Variants in RBM26 observed in about 807,000 individuals in gnomAD.
RBM26 encodes RNA binding motif protein 26.
Under a neutral mutation model 123.6 loss-of-function variants are expected in RBM26, and 30 were observed. The ratio of observed to expected loss-of-function variants is 0.24; its 90% CI spans 0.18 to 0.33. The LOEUF (loss-of-function observed/expected upper bound fraction) is 0.33, where lower values mean the gene tolerates loss of function less well. Among genes scored for constraint, RBM26 ranks in the 10% least tolerant of loss-of-function variants. The probability of loss-of-function intolerance (pLI) is 1.00; values close to 1 mark genes in which losing one functional copy is unlikely to be tolerated. For synonymous variants in RBM26, 400 were observed against 404.4 expected (o/e 0.99, Z 0.13); for missense variants, 947 against 1,203.6 (o/e 0.79, Z 3.15).
rs754873719 is a variant in RBM26 at position 79,353,649 on chromosome 13, A to T, written c.1987-425T>A. Among the ~76,000 whole-genome samples the T allele has an allele frequency of 1.1e-4, 17 of 152,318 alleles. No individual in the cohort carries two copies. In the South Asian group the frequency reaches 1.2e-3, roughly 11 times the overall value. ...GGGATGATAGGACTGGGAATTTTTT[A>T]AATTAACTAATAATTTACCAATAGA... On this transcript the variant is annotated intron_variant, in intron 13 of 21. Transcript: ENST00000438737.
chr13:79,323,181 G>C (rs555171465), intron 20 of RBM26, among the ~76,000 whole-genome samples: 1 of 151,416 alleles, frequency 6.6e-6, no homozygotes, highest in Non-Finnish European at 1.5e-5. Context: ...GGCTGGTTTG[G>C]AAACTGCATT....
intron 5 of RBM26, among the ~76,000 whole-genome samples, chr13:79,369,698 C>T (rs1295092893): frequency 3.3e-5 from 5 of 152,146 alleles, no homozygotes; most frequent in Admixed American, 3.3e-4. Flanking sequence ...CTTTCAATAA[C>T]ATGTACTAGA....
chr13:79,405,688 T>A lies in RBM26; in HGVS notation c.71+16A>T. On this transcript the variant is annotated intron_variant, in intron 1 of 21. Coordinates refer to ENST00000438737, the MANE Select transcript of RBM26 (RefSeq NM_001366735.2). ...CCACTGCCATCCCTGCAAAGAGATA[T>A]CCCCCGGATACTCACATGGGCTCGA... 2 of 1,564,392 alleles carry A rather than the reference T, an allele frequency of 1.3e-6. No individual in the cohort carries two copies. The highest frequency in any genetic ancestry group is 1.7e-6 in the Non-Finnish European group (2 of 1,146,252).
chr13:79,371,632 A>AAT (rs2075890176), intron 4 of RBM26, among the ~76,000 whole-genome samples: 1 of 152,128 alleles, frequency 6.6e-6, no homozygotes, highest in Non-Finnish European at 1.5e-5. Context: ...ATAAGCAGCT[A>AAT]ATATATGTCA....
chr13:79,353,361 C>CT (rs2073533797), intron 13 of RBM26, 137 bp from the exon 14 acceptor site: 5 of 435,284 alleles, frequency 1.1e-5, no homozygotes, highest in Non-Finnish European at 2.0e-5. Context: ...CTTGGTCCTT[C>CT]TTAAAAGAGA....
exon 5 of RBM26, chr13:79,312,801 T>C (rs542888691): frequency 2.0e-5 from 3 of 152,084 alleles, no homozygotes; most frequent in South Asian, 4.1e-4. Flanking sequence ...ATAAGTATGC[T>C]GCTACATTAT....
chr13:79,370,899 A>C (rs1361949122), intron 5 of RBM26, 46 bp downstream of exon 5: 4 of 1,559,952 alleles, frequency 2.6e-6, no homozygotes, highest in Non-Finnish European at 3.5e-6. Context: ...AAAAACATTT[A>C]AACATGGAGT....
intron 1 of RBM26, among the ~76,000 whole-genome samples, chr13:79,395,242 A>G (rs1258988727): frequency 6.6e-6 from 1 of 152,212 alleles, no homozygotes; most frequent in Non-Finnish European, 1.5e-5. Context: ...GACTGTCCAG[A>G]TAATAGATTA....
In RBM26 at chr13:79,355,204, C is replaced by A; in HGVS notation, c.1854+16G>T. On this transcript the variant is annotated intron_variant, in intron 12 of 21. Transcript: ENST00000438737. Reference sequence around the variant, plus strand: ...TCTAAGAAATGCGCGTACTTTTACACAAATTCCTCTCTTACCTTTGGAGAA... The same window carrying A: ...TCTAAGAAATGCGCGTACTTTTACAAAAATTCCTCTCTTACCTTTGGAGAA... 6.2e-7 allele frequency: 1 copy of A among 1,611,572 alleles called. No homozygotes were observed. The highest frequency in any genetic ancestry group is 8.5e-7 in the Non-Finnish European group (1 of 1,178,324).
At chr13:79,352,365 A>G (rs747006320) in intron 14 of RBM26, among the ~76,000 whole-genome samples, 2 of 152,168 alleles carry the variant, frequency 1.3e-5, no homozygotes, top group Non-Finnish European at 2.9e-5. Flanking sequence ...CTTGACTTTA[A>G]GATAAGCATA....
downstream of RBM26, chr13:79,314,990 T>C (rs868190778): frequency 2.3e-6 from 3 of 1,300,594 alleles, no homozygotes; most frequent in Middle Eastern, 2.1e-4. Context: ...ATGATCTCTC[T>C]CTGCTGGAAA....
chr13:79,354,615 G>T, intron 12 of RBM26, 45 bp from the exon 13 acceptor site: 1 of 1,512,182 alleles, frequency 6.6e-7, no homozygotes, highest in South Asian at 1.3e-5. Context: ...TCATTCAAAA[G>T]GATGGAAAGT....
intron 20 of RBM26, among the ~76,000 whole-genome samples, chr13:79,331,223 C>T (rs985722853): frequency 1.3e-5 from 2 of 151,948 alleles, no homozygotes; most frequent in Non-Finnish European, 2.9e-5. Flanking sequence ...AGGCTGGTCT[C>T]GAACTCCTGG....
chr13:79,353,216 A>G lies in RBM26; in HGVS notation c.1995T>C (p.Thr665=). 6.4e-7 allele frequency: 1 copy of G among 1,570,458 alleles called. No individual in the cohort carries two copies. Among genetic ancestry groups the G allele is most frequent in the African/African-American group, 1.3e-5 (1 of 74,214 alleles). ...SASSDLPQNV[T]KLSVKDRLGF... Reference sequence around the variant, plus strand: ...CCAACCTGTCCTTCACAGATAACTTAGTTACATTCTAAAAAAATTAAAATG... The same window carrying G: ...CCAACCTGTCCTTCACAGATAACTTGGTTACATTCTAAAAAAATTAAAATG... The change falls in exon 14 of 22, where the codon ACT becomes ACC. Residue 665 remains threonine (T), a synonymous_variant. Coordinates refer to ENST00000438737, the MANE Select transcript of RBM26 (RefSeq NM_001366735.2).
intron 9 of RBM26, among the ~76,000 whole-genome samples, chr13:79,359,889 C>G (rs768378154): frequency 6.6e-6 from 1 of 151,390 alleles, no homozygotes; most frequent in Non-Finnish European, 1.5e-5. Flanking sequence ...TCAGTTATCT[C>G]TAGTCAACCA....
chr13:79,325,694 G>C (rs1445203219), intron 20 of RBM26, among the ~76,000 whole-genome samples: 1 of 152,050 alleles, frequency 6.6e-6, no homozygotes, highest in Non-Finnish European at 1.5e-5. Flanking sequence ...TATTATTAAA[G>C]AAAGATAAAA....
rs767615284 is a variant in RBM26, at chr13:79,359,679, A to G, written c.1425T>C (p.Pro475=). 2 of 1,538,736 alleles carry G rather than the reference A, an allele frequency of 1.3e-6. No individual in the cohort carries two copies. The highest frequency in any genetic ancestry group is 1.4e-5 in the African/African-American group (1 of 70,828). The part of the protein sequence containing the change: ...GDMDLPPREK[P]PNKSSMRIVV... ...CTATCCTCATACTGCTTTTATTGGG[A>G]GGCTTTTCTGTTTTAAAACAAAAGA... The change falls in exon 10 of 22, where the codon CCT becomes CCC. Residue 475 remains proline, a synonymous_variant. Transcript: ENST00000438737.
chr13:79,340,616 T>C (rs529250077), intron 18 of RBM26, among the ~76,000 whole-genome samples: 317 of 152,072 alleles, frequency 2.1e-3, no homozygotes, highest in African/African-American at 7.2e-3. Flanking sequence ...GAGTTGTTTC[T>C]TATATAAATA....
At chr13:79,375,462 T>A (rs35476664) in intron 3 of RBM26, among the ~76,000 whole-genome samples, 73,039 of 151,724 alleles carry the variant, frequency 0.48, 18,131 homozygotes, top group East Asian at 0.72. Flanking sequence ...AGAGCCACAG[T>A]GCCCAGCCAA....
Sources: allele counts gnomAD v4.1 joint callset (sites outside exome capture counted in the v4.1 genomes callset), GRCh38; gene constraint gnomAD v4.1.1; transcripts MANE v1.5; gene names NCBI Gene and HGNC (gene_info 2026-07-23, HGNC 2026-07-21).